NRG2: variants seen among roughly 807,000 people sequenced by gnomAD.
The protein encoded by NRG2 is neuregulin 2.
Under a neutral mutation model 73.9 loss-of-function variants are expected in NRG2, and 27 were observed. The observed-to-expected ratio is 0.37, with a 90% CI of 0.27 to 0.50. NRG2 has a LOEUF of 0.50. Ranked by LOEUF, NRG2 falls within the 20% of genes least tolerant of loss-of-function variation. NRG2 has a pLI of 0.96. For synonymous variants in NRG2, 532 were observed against 541.0 expected (o/e 0.98, Z 0.23); for missense variants, 1,126 against 1,210.1 (o/e 0.93, Z 1.03).
chr5:139,978,004 T>G (rs921169533), intron 1 of NRG2, among the ~76,000 whole-genome samples: 1 of 152,156 alleles, frequency 6.6e-6, no homozygotes, highest in East Asian at 1.9e-4. Context: ...GAAGAAAACC[T>G]AGGCAATACC....
chr5:139,852,082 TC>T lies in NRG2; in HGVS notation c.1545-252del, dbSNP rs1377301813. Among the ~76,000 whole-genome samples the T allele has an allele frequency of 6.6e-6, 1 of 151,958 alleles. No individual in the cohort carries two copies. The highest frequency in any genetic ancestry group is 1.5e-5 in the Non-Finnish European group (1 of 67,978). ...ATTTCTTTCCTTCCTGCAACCAGCC[TC>T]CCCCCAGCCTTACCTTAGACCCCCT... is the stretch of plus-strand genomic sequence containing the variant. On this transcript the variant is annotated intron_variant, in intron 8 of 9. Transcript: ENST00000361474. The surrounding 1 kb of genome is among the most constrained non-coding windows in gnomAD (Gnocchi z 4.4).
At chr5:139,994,798 G>T (rs1349728266) in intron 1 of NRG2, among the ~76,000 whole-genome samples, 1 of 152,172 alleles carries the variant, frequency 6.6e-6, no homozygotes, top group African/African-American at 2.4e-5. Context: ...AAGAAGAGTA[G>T]AATTGGGTTC....
At chr5:139,999,128 G>A (rs1021335769) in intron 1 of NRG2, among the ~76,000 whole-genome samples, 1 of 152,160 alleles carries the variant, frequency 6.6e-6, no homozygotes, top group Non-Finnish European at 1.5e-5. Context: ...ACTCCATGAG[G>A]CATTCTGTGT....
At chr5:140,003,703 A>AT (rs1758675086) in intron 1 of NRG2, among the ~76,000 whole-genome samples, 1 of 152,014 alleles carries the variant, frequency 6.6e-6, no homozygotes, top group South Asian at 2.1e-4. Flanking sequence ...TGTTGTGGTA[A>AT]TTTTTTCAGC....
chr5:140,033,677 T>A (rs1338088074), intron 1 of NRG2, among the ~76,000 whole-genome samples: 1 of 152,214 alleles, frequency 6.6e-6, no homozygotes, highest in Non-Finnish European at 1.5e-5. Flanking sequence ...CAAATGGGAA[T>A]ATCTGGGTGA....
At position 139,848,714 on chromosome 5, in the gene NRG2, A is replaced by G; in HGVS notation, c.1773-17T>C. The G allele has an allele frequency of 8.2e-7, 1 of 1,220,096 alleles. No individual in the cohort carries two copies. The highest frequency in any genetic ancestry group is 1.4e-5 in the South Asian group (1 of 74,044). The allele number at this position is 1,220,096 out of a possible 1,614,324, so 75.6% of individuals were successfully genotyped here. A position where few individuals can be genotyped will look rare whatever the true frequency, so the allele number is the denominator to read the frequency against. ...GACACGTACCTGCGGGGAGAGGCAGAGGCATGGGCCAGGGCCAGGCCGGGC... is the reference window on the plus strand; with the variant it reads ...GACACGTACCTGCGGGGAGAGGCAGGGGCATGGGCCAGGGCCAGGCCGGGC... On this transcript the variant is annotated splice_polypyrimidine_tract_variant and intron_variant, in intron 9 of 9. Transcript: ENST00000361474.
chr5:140,006,213 C>T (rs1758886534), intron 1 of NRG2, among the ~76,000 whole-genome samples: 1 of 152,144 alleles, frequency 6.6e-6, no homozygotes, highest in South Asian at 2.1e-4. Flanking sequence ...GAAAGCAGAC[C>T]ACCACTGTGC....
chr5:140,029,474 G>A lies in NRG2; in HGVS notation c.700+12896C>T, dbSNP rs1046634331. On this transcript the variant is annotated intron_variant, in intron 1 of 9. Coordinates refer to ENST00000361474, the MANE Select transcript of NRG2 (RefSeq NM_004883.3). ...TGCTATAAGGTAGGTATTACTGTGA[G>A]CCCCATAATATAGTTGGGAAACCTG... Among the ~76,000 whole-genome samples the A allele has an allele frequency of 2.0e-5, 3 of 152,008 alleles. No homozygotes were observed. The South Asian group carries it at 6.2e-4, about 32-fold the overall frequency.
chr5:140,037,990 A>G (rs1020767250), intron 1 of NRG2, among the ~76,000 whole-genome samples: 4 of 151,818 alleles, frequency 2.6e-5, no homozygotes, highest in Admixed American at 6.6e-5. Flanking sequence ...ATTATTCCTG[A>G]ATATTTTACC....
chr5:139,985,872 T>A (rs996781498), intron 1 of NRG2, among the ~76,000 whole-genome samples: 7 of 151,744 alleles, frequency 4.6e-5, no homozygotes, highest in South Asian at 2.1e-4. Context: ...TCCCCCCAAC[T>A]CCCAATGACC....
intron 1 of NRG2, among the ~76,000 whole-genome samples, chr5:139,946,741 A>G (rs943787972): frequency 1.1e-4 from 16 of 152,166 alleles, no homozygotes; most frequent in Admixed American, 7.2e-4. Flanking sequence ...ACTTATATCT[A>G]TAATATATAC....
chr5:139,928,418 T>C (rs1354369156), intron 1 of NRG2, among the ~76,000 whole-genome samples: 1 of 152,198 alleles, frequency 6.6e-6, no homozygotes, highest in East Asian at 1.9e-4. Flanking sequence ...TTCTCTTTCT[T>C]CTTCACTGAT....
At chr5:139,873,692 C>A (rs1364512083) in intron 3 of NRG2, among the ~76,000 whole-genome samples, 1 of 152,376 alleles carries the variant, frequency 6.6e-6, no homozygotes, top group Middle Eastern at 3.4e-3. Flanking sequence ...ATCTGCCAGG[C>A]CCAGCCTGGT....
At chr5:140,018,608 G>A (rs528358170) in intron 1 of NRG2, among the ~76,000 whole-genome samples, 1 of 152,296 alleles carries the variant, frequency 6.6e-6, no homozygotes, top group South Asian at 2.1e-4. Context: ...TCTAGGATGA[G>A]AATTCATCAG....
At chr5:139,898,868 T>A (rs1286255063) in intron 1 of NRG2, among the ~76,000 whole-genome samples, 1 of 152,174 alleles carries the variant, frequency 6.6e-6, no homozygotes, top group Non-Finnish European at 1.5e-5. Flanking sequence ...ATATCCTGTT[T>A]CCAAGCCTCC....
At chr5:139,957,442 C>T (rs1754723710) in intron 1 of NRG2, among the ~76,000 whole-genome samples, 2 of 152,148 alleles carry the variant, frequency 1.3e-5, no homozygotes, top group Non-Finnish European at 2.9e-5. Flanking sequence ...GCCCCACCCA[C>T]TTGCTATACA....
chr5:139,939,627 G>A, intron 1 of NRG2, among the ~76,000 whole-genome samples: 1 of 151,936 alleles, frequency 6.6e-6, no homozygotes, highest in East Asian at 1.9e-4. Flanking sequence ...AATATAACTA[G>A]GACTTCAAAA....
intron 1 of NRG2, among the ~76,000 whole-genome samples, chr5:139,935,622 T>A (rs1752787825): frequency 6.6e-6 from 1 of 151,842 alleles, no homozygotes; most frequent in Non-Finnish European, 1.5e-5. Flanking sequence ...AATATATGGG[T>A]CAAAGAAGAA....
chr5:139,982,912 C>T (rs1337451234), intron 1 of NRG2, among the ~76,000 whole-genome samples: 1 of 152,198 alleles, frequency 6.6e-6, no homozygotes, highest in Non-Finnish European at 1.5e-5. Context: ...GTCCATCCCA[C>T]ACTCCTGCAG....
Sources: gnomAD v4.1 joint callset for allele counts (sites outside exome capture counted in the v4.1 genomes callset) on GRCh38, gnomAD v4.1.1 for gene constraint, Gnocchi (gnomAD v3.1) non-coding constraint, MANE v1.5 for transcripts, NCBI Gene and HGNC (gene_info 2026-07-23, HGNC 2026-07-21) for gene names.